The following DTHD1 variants were observed in gnomAD, a reference collection of about 807,000 sequenced individuals.
DTHD1 encodes the protein death domain-containing protein 1.
In DTHD1, 59 loss-of-function variants were observed where a neutral mutation model predicts 74.8. The ratio of observed to expected loss-of-function variants is 0.79; its 90% confidence interval spans 0.64 to 0.98. The LOEUF is 0.98. DTHD1 is among the 50% of genes least tolerant of loss of function. DTHD1 has a pLI of 0.00. For missense variants in DTHD1, 1,051 were observed against 1,065.4 expected (o/e 0.99, Z 0.19); for synonymous variants, 365 against 371.1 (o/e 0.98, Z 0.19).
At chr4:36,324,308 T>C (rs899158840) in intron 8 of DTHD1, among the ~76,000 whole-genome samples, 2 of 152,152 alleles carry the variant, frequency 1.3e-5, no homozygotes, top group African/African-American at 4.8e-5. Flanking sequence ...CTCTTGGCTT[T>C]AAAAGATAAG....
chr4:36,293,526 G>C lies in DTHD1; in HGVS notation c.1219G>C (p.Gly407Arg). The stretch of plus-strand genomic sequence containing the variant: ...TTTTAATGTTCTTTATTCTATACAG[G>C]GGACCTGTGCTTCAGTAAAAGTTTA... ...SLEGMKGGYK[G>R]TCASVKVYKL... Residue 407 changes from glycine (G) to arginine (R), a missense_variant and splice_region_variant, in exon 4 of 10, where the codon GGG becomes CGG. Coordinates refer to ENST00000639862, the MANE Select transcript of DTHD1 (RefSeq NM_001170700.3). The C allele has an allele frequency of 6.5e-7, 1 of 1,534,924 alleles. No homozygotes were observed. Among genetic ancestry groups the C allele is most frequent in the Non-Finnish European group, 8.8e-7 (1 of 1,136,436 alleles).
intron 5 of DTHD1, among the ~76,000 whole-genome samples, chr4:36,305,266 C>T (rs528858548): frequency 6.6e-6 from 1 of 151,886 alleles, no homozygotes; most frequent in Non-Finnish European, 1.5e-5. Flanking sequence ...AAAGACATAC[C>T]CAAGACTGGA....
chr4:36,323,669 T>C (rs1758166108), intron 8 of DTHD1, among the ~76,000 whole-genome samples: 2 of 151,774 alleles, frequency 1.3e-5, no homozygotes, highest in African/African-American at 2.4e-5. Context: ...CTTGCTGTGG[T>C]TTTTGAGGGA....
rs553248603 is a variant in DTHD1 at position 36,298,999 on chromosome 4, A to T, written c.1643+3960A>T. On this transcript the variant is annotated intron_variant, in intron 5 of 9. Coordinates refer to ENST00000639862, the MANE Select transcript of DTHD1 (RefSeq NM_001170700.3). ...GGACAACTAGTAAAGCTAATATCAA[A>T]CAATAAACTGATCATTATTGATAAA... Among the ~76,000 whole-genome samples the T allele has an allele frequency of 3.9e-5, 6 of 152,284 alleles. No individual in the cohort carries two copies. In the South Asian group the frequency reaches 1.2e-3, roughly 32 times the overall value.
At position 36,284,155 on chromosome 4, in the gene DTHD1, G is replaced by A. The variant is rs16992035; in HGVS notation, c.451G>A (p.Gly151Arg). 50,419 of 1,537,154 alleles carry A rather than the reference G, an allele frequency of 0.033. 1,177 individuals carry two copies. The highest frequency in any genetic ancestry group is 0.09 in the Admixed American group (4,582 of 50,998). The change falls in exon 2 of 10, where the codon GGG becomes AGG. Residue 151 changes from glycine (G) to arginine (R), a missense_variant. Coordinates refer to ENST00000639862, the MANE Select transcript of DTHD1 (RefSeq NM_001170700.3). ...DTKAADIAAR[G>R]ELNVIETATV... ...CAAAGCAGCAGACATTGCTGCAAGA[G>A]GGGAACTAAATGTCATAGAAACAGC...
At chr4:36,316,080 T>C (rs927815656) in intron 7 of DTHD1, among the ~76,000 whole-genome samples, 162 bp from the exon 8 acceptor site, 4 of 152,088 alleles carry the variant, frequency 2.6e-5, no homozygotes, top group Non-Finnish European at 4.4e-5. Context: ...GGAGTACAGG[T>C]GCCTGCCACC....
intron 9 of DTHD1, among the ~76,000 whole-genome samples, chr4:36,341,916 G>A (rs945569816): frequency 2.6e-5 from 4 of 152,170 alleles, no homozygotes; most frequent in Non-Finnish European, 5.9e-5. Context: ...AAGGACTAGA[G>A]GCCATGGAAT....
intron 8 of DTHD1, among the ~76,000 whole-genome samples, chr4:36,338,564 T>G (rs1759137110): frequency 6.6e-6 from 1 of 151,580 alleles, no homozygotes; most frequent in Admixed American, 6.6e-5. Context: ...TCTCATATGC[T>G]GTCTCCACTA....
chr4:36,293,438 G>T (rs975294660), intron 3 of DTHD1, 88 bp from the exon 4 acceptor site: 1 of 1,108,468 alleles, frequency 9.0e-7, no homozygotes, highest in Non-Finnish European at 1.2e-6. Context: ...AGAGTGTATA[G>T]ATTTTTTTGA....
chr4:36,318,007 T>C (rs1419634975), intron 8 of DTHD1, among the ~76,000 whole-genome samples: 1 of 152,216 alleles, frequency 6.6e-6, no homozygotes, highest in Non-Finnish European at 1.5e-5. Context: ...GTAATAACCA[T>C]TGTAATAATG....
intron 2 of DTHD1, among the ~76,000 whole-genome samples, chr4:36,290,117 C>T (rs73117670): frequency 0.014 from 2,132 of 152,170 alleles, 42 homozygotes; most frequent in African/African-American, 0.048. Context: ...CCAGACATAG[C>T]TCTAATTACT....
intron 9 of DTHD1, among the ~76,000 whole-genome samples, chr4:36,342,036 A>T (rs999862691): frequency 6.6e-6 from 1 of 152,212 alleles, no homozygotes; most frequent in African/African-American, 2.4e-5. Flanking sequence ...GTCAGTTTCT[A>T]GTTTGGAGTC....
In DTHD1 at chr4:36,343,242, GC is replaced by G. The variant is rs559196050; in HGVS notation, c.2399-257del. Among the ~76,000 whole-genome samples, 237 of 152,280 alleles carry G rather than the reference GC, an allele frequency of 1.6e-3. 1 individual carries two copies. Among genetic ancestry groups the G allele is most frequent in the Middle Eastern group, 0.01 (3 of 294 alleles). ...CAGAGCGTAAAAACCATTTTAACAT[GC>G]CCTCTTGGTTCTCAGGTACATTAAA... On this transcript the variant is annotated intron_variant, in intron 9 of 9. Coordinates refer to ENST00000639862, the MANE Select transcript of DTHD1 (RefSeq NM_001170700.3).
intron 8 of DTHD1, among the ~76,000 whole-genome samples, chr4:36,319,340 G>A (rs1371408849): frequency 6.6e-6 from 1 of 152,164 alleles, no homozygotes; most frequent in Admixed American, 6.5e-5. Flanking sequence ...AAAAGTTTAA[G>A]AACTATTGAC....
intron 8 of DTHD1, among the ~76,000 whole-genome samples, chr4:36,316,808 C>T (rs376270008): frequency 1.3e-5 from 2 of 152,106 alleles, no homozygotes; most frequent in East Asian, 3.8e-4. Context: ...GAAAAAAATA[C>T]ATTACAGAGC....
Position 36,347,319 on chromosome 4 carries a change from A to G in DTHD1, c.*3495A>G, listed in dbSNP as rs564818396. Among the ~76,000 whole-genome samples the G allele has an allele frequency of 5.9e-4, 90 of 152,248 alleles. 1 individual carries two copies. The highest frequency in any genetic ancestry group is 2.2e-3 in the African/African-American group (90 of 41,546). Reference sequence around the variant, plus strand: ...ATTCAACTTTATGTTGCTGAAATTCATCCATTTTGCTGTGTGTGGCAATGG... The same window carrying G: ...ATTCAACTTTATGTTGCTGAAATTCGTCCATTTTGCTGTGTGTGGCAATGG... On this transcript the variant is annotated 3_prime_UTR_variant, in exon 10 of 10. Coordinates refer to ENST00000639862, the MANE Select transcript of DTHD1 (RefSeq NM_001170700.3).
intron 8 of DTHD1, among the ~76,000 whole-genome samples, chr4:36,337,355 T>A (rs1230628988): frequency 6.6e-6 from 1 of 152,128 alleles, no homozygotes; most frequent in Non-Finnish European, 1.5e-5. Context: ...CAATTTCATG[T>A]GCATGAAAAA....
intron 5 of DTHD1, among the ~76,000 whole-genome samples, chr4:36,304,842 C>T (rs1756954038): frequency 6.6e-6 from 1 of 152,184 alleles, no homozygotes; most frequent in South Asian, 2.1e-4. Flanking sequence ...TCTCTCTTAG[C>T]ATCTATTTTT....
At chr4:36,329,996 C>T (rs1758575508) in intron 8 of DTHD1, among the ~76,000 whole-genome samples, 1 of 152,144 alleles carries the variant, frequency 6.6e-6, no homozygotes, top group Non-Finnish European at 1.5e-5. Flanking sequence ...ATGTAGGCAA[C>T]AAATATGTTT....
Sources: allele counts gnomAD v4.1 joint callset (sites outside exome capture counted in the v4.1 genomes callset), GRCh38; gene constraint gnomAD v4.1.1; transcripts MANE v1.5; gene names NCBI Gene and HGNC (gene_info 2026-07-23, HGNC 2026-07-21).